KIF21B: variants seen among roughly 807,000 people sequenced by gnomAD.
The protein encoded by KIF21B is kinesin-like protein KIF21B.
In KIF21B, 85 loss-of-function variants were observed where a neutral mutation model predicts 192.9. The observed-to-expected ratio is 0.44, with a 90% CI of 0.37 to 0.53. The LOEUF is 0.53. KIF21B is among the 20% of genes least tolerant of loss of function. The probability of loss-of-function intolerance (pLI) is 0.00; values close to 1 mark genes in which losing one functional copy is unlikely to be tolerated. For missense variants in KIF21B, 1,716 were observed against 2,194.8 expected (o/e 0.78, Z 4.36); for synonymous variants, 832 against 884.6 (o/e 0.94, Z 1.05).
chr1:200,973,443 G>T lies in KIF21B; in HGVS notation c.*78C>A, dbSNP rs1183979779. The T allele has an allele frequency of 7.3e-7, 1 of 1,375,264 alleles. No homozygotes were observed. The highest frequency in any genetic ancestry group is 3.7e-5 in the Admixed American group (1 of 26,874). The allele number at this position is 1,375,264 out of a possible 1,614,324, so 85.2% of individuals were successfully genotyped here. ...TGTCCCCAGAGCAGCTGGCCCCATC[G>T]GCCGGGTCACAGCTTCCCTTCCATG... is the stretch of plus-strand genomic sequence containing the variant. On this transcript the variant is annotated 3_prime_UTR_variant, in exon 35 of 35. Transcript: ENST00000461742.
rs1457064588 is a variant in KIF21B, at chr1:200,991,290, G to A, written c.2455-141C>T. On this transcript the variant is annotated intron_variant, in intron 17 of 34. Transcript: ENST00000461742. ...TGGGCTTGGGCTGCAAAAGGGCCAA[G>A]GGGTCTCTGTTTGATGTGACATGCA... 5.9e-6 allele frequency: 4 copies of A among 672,274 alleles called. No individual in the cohort carries two copies. The Admixed American group carries it at 1.1e-4, about 19-fold the overall frequency. The allele number at this position is 672,274 out of a possible 1,614,324, so 41.6% of individuals were successfully genotyped here.
chr1:200,989,163 C>A (rs1392395539), intron 21 of KIF21B, among the ~76,000 whole-genome samples: 1 of 152,136 alleles, frequency 6.6e-6, no homozygotes, highest in African/African-American at 2.4e-5. Context: ...TTATGTCCCC[C>A]CAAAACTCAT....
At chr1:200,977,844 C>T (rs984609626) in intron 30 of KIF21B, among the ~76,000 whole-genome samples, 8 of 150,736 alleles carry the variant, frequency 5.3e-5, no homozygotes, top group Non-Finnish European at 8.8e-5. Flanking sequence ...AAGCGATTCT[C>T]CTGCCTCACC....
Position 201,011,464 on chromosome 1 carries a change from C to T in KIF21B, c.42-1976G>A, listed in dbSNP as rs1274487101. ...GAGCCAGGGCTTGAACCTATGCAGT[C>T]TGCATGCACTGCCCTTTCAATGGTC... is the stretch of plus-strand genomic sequence containing the variant. On this transcript the variant is annotated intron_variant, in intron 1 of 34. Coordinates refer to ENST00000461742, the MANE Select transcript of KIF21B (RefSeq NM_001252102.2). 2.6e-5 allele frequency among the ~76,000 whole-genome samples: 4 copies of T among 152,352 alleles called. No individual in the cohort carries two copies. The East Asian group carries it at 7.7e-4, about 29-fold the overall frequency.
chr1:201,009,407 C>T lies in KIF21B; in HGVS notation c.123G>A (p.Leu41=), dbSNP rs763627626. 1.2e-6 allele frequency: 2 copies of T among 1,614,224 alleles called. No homozygotes were observed. The highest frequency in any genetic ancestry group is 1.7e-5 in the Admixed American group (1 of 60,038). Residue 41 remains leucine, a synonymous_variant, in exon 2 of 35, where the codon CTG becomes CTA. Coordinates refer to ENST00000461742, the MANE Select transcript of KIF21B (RefSeq NM_001252102.2). ...AGGTGAAGGCCTTGTCCTTCCCCAG[C>T]AGGACCTGGGGCTCTCCCGGGGTAA... ...TSVTPGEPQV[L]LGKDKAFTYD... is the part of the protein sequence containing the mutation.
chr1:200,978,674 CT>C (rs1206884442), intron 30 of KIF21B, among the ~76,000 whole-genome samples: 2 of 152,200 alleles, frequency 1.3e-5, no homozygotes, highest in Non-Finnish European at 2.9e-5. Flanking sequence ...TAAAAACCCT[CT>C]GTTTACTTTA....
intron 1 of KIF21B, among the ~76,000 whole-genome samples, chr1:201,010,469 G>A (rs1335980783): frequency 2.0e-5 from 3 of 152,040 alleles, no homozygotes; most frequent in Non-Finnish European, 4.4e-5. Context: ...CCATCACCAC[G>A]ACATGGTTCC....
chr1:200,983,355 A>G lies in KIF21B; in HGVS notation c.3804-261T>C, dbSNP rs150404321. Among the ~76,000 whole-genome samples, 311 of 152,022 alleles carry G rather than the reference A, an allele frequency of 2.0e-3. 2 individuals carry two copies. The highest frequency in any genetic ancestry group is 7.1e-3 in the African/African-American group (294 of 41,430). On this transcript the variant is annotated intron_variant, in intron 27 of 34. Transcript: ENST00000461742. ...GAGGAGCGAGGAGGGGGCCACGGGG[A>G]GATGTGGGAGCACCAGCCCCACACA...
In KIF21B at chr1:200,998,352, G is replaced by C. The variant is rs749146142; in HGVS notation, c.2077+32C>G. The C allele has an allele frequency of 2.5e-6, 4 of 1,588,396 alleles. No homozygotes were observed. The highest frequency in any genetic ancestry group is 3.4e-6 in the Non-Finnish European group (4 of 1,163,978). ...GGGCTCAGGGAAAAGGGAGGGTCCGGATGGGGTGGAGGGGCATGGCGGTGG... is the reference window on the plus strand; with the variant it reads ...GGGCTCAGGGAAAAGGGAGGGTCCGCATGGGGTGGAGGGGCATGGCGGTGG... On this transcript the variant is annotated intron_variant, in intron 14 of 34. Coordinates refer to ENST00000461742, the MANE Select transcript of KIF21B (RefSeq NM_001252102.2). The surrounding 1 kb of genome is among the most constrained non-coding windows in gnomAD (Gnocchi z 4.3).
In KIF21B at chr1:201,002,169, G is replaced by T. The variant is rs1173110225; in HGVS notation, c.1394C>A (p.Ala465Asp). The T allele has an allele frequency of 6.2e-7, 1 of 1,613,908 alleles. No homozygotes were observed. Among genetic ancestry groups the T allele is most frequent in the East Asian group, 2.2e-5 (1 of 44,884 alleles). Residue 465 changes from alanine (A) to aspartate (D), a missense_variant, in exon 9 of 35, where the codon GCC (alanine) becomes GAC (aspartate). Ala to Asp is a moderately radical substitution (Grantham distance 126). Coordinates refer to ENST00000461742, the MANE Select transcript of KIF21B (RefSeq NM_001252102.2). ...LMSQEANLLLAKAGDGNEAIG... is the reference protein window; with the variant it reads ...LMSQEANLLLDKAGDGNEAIG... ...GGCACAGCCCAACTCACCGGCCTTGGCTAGCAGCAGGTTGGCCTCCTGGCT... is the reference window on the plus strand; with the variant it reads ...GGCACAGCCCAACTCACCGGCCTTGTCTAGCAGCAGGTTGGCCTCCTGGCT...
Position 201,000,027 on chromosome 1 carries a change from G to A in KIF21B, c.1686-63C>T, listed in dbSNP as rs1441507591. 13 of 1,455,386 alleles carry A rather than the reference G, an allele frequency of 8.9e-6. No homozygotes were observed. Among genetic ancestry groups the A allele is most frequent in the Non-Finnish European group, 1.2e-5 (12 of 1,040,278 alleles). The allele number at this position is 1,455,386 out of a possible 1,614,324, so 90.2% of individuals were successfully genotyped here. A position where few individuals can be genotyped will look rare whatever the true frequency, so the allele number is the denominator to read the frequency against. ...TGCCCCTGCCCTGAGCACATGGGCA[G>A]GACGGCGGCAGCGGCAGAAAAGGAA... On this transcript the variant is annotated intron_variant, in intron 11 of 34. Transcript: ENST00000461742. This position sits in a 1 kb window ranked among gnomAD's most constrained non-coding sequence, Gnocchi z 6.0.
chr1:200,998,627 G>T lies in KIF21B; in HGVS notation c.1886-52C>A. The T allele has an allele frequency of 6.4e-7, 1 of 1,554,982 alleles. No individual in the cohort carries two copies. The highest frequency in any genetic ancestry group is 8.8e-7 in the Non-Finnish European group (1 of 1,136,154). ...CAGCGTTAGGGCGAGGGGCAAATTG[G>T]GGAGCAGATGTGCCAGTGCTGGGGA... On this transcript the variant is annotated intron_variant, in intron 13 of 34. Coordinates refer to ENST00000461742, the MANE Select transcript of KIF21B (RefSeq NM_001252102.2). This position sits in a 1 kb window ranked among gnomAD's most constrained non-coding sequence, Gnocchi z 4.3.
intron 15 of KIF21B, among the ~76,000 whole-genome samples, chr1:200,994,000 C>T (rs1050560245): frequency 6.6e-6 from 1 of 152,130 alleles, no homozygotes; most frequent in Admixed American, 6.5e-5. Flanking sequence ...GACCTGAAAA[C>T]TCCAGCATCC....
intron 32 of KIF21B, among the ~76,000 whole-genome samples, chr1:200,976,514 C>A (rs1053810434): frequency 2.6e-5 from 4 of 152,240 alleles, no homozygotes; most frequent in Admixed American, 2.6e-4. Flanking sequence ...AGCTGCAATG[C>A]ATCCCATTTA....
At chr1:201,012,135 C>T (rs1254624041) in intron 1 of KIF21B, among the ~76,000 whole-genome samples, 1 of 152,082 alleles carries the variant, frequency 6.6e-6, no homozygotes, top group Non-Finnish European at 1.5e-5. Context: ...CTTTTTTGGC[C>T]CAACACATCC....
At position 200,971,795 on chromosome 1, in the gene KIF21B, A is replaced by C. The variant is rs1157537224; in HGVS notation, c.*1726T>G. ...CTTAGCCTCTGTGGCAGCTCCGAGGAGGGCACGGGGAAGGGACCAGGCCTC... is the reference window on the plus strand; with the variant it reads ...CTTAGCCTCTGTGGCAGCTCCGAGGCGGGCACGGGGAAGGGACCAGGCCTC... On this transcript the variant is annotated 3_prime_UTR_variant, in exon 35 of 35. Transcript: ENST00000461742. 6.6e-6 allele frequency: 1 copy of C among 152,446 alleles called. No homozygotes were observed. The highest frequency in any genetic ancestry group is 1.5e-5 in the Non-Finnish European group (1 of 68,252). 9.4% of individuals were successfully genotyped at this position (152,446 alleles called of 1,614,324 possible). A position where few individuals can be genotyped will look rare whatever the true frequency, so the allele number is the denominator to read the frequency against.
chr1:201,007,824 C>A (rs913922520), intron 3 of KIF21B, among the ~76,000 whole-genome samples: 1 of 151,850 alleles, frequency 6.6e-6, no homozygotes, highest in Non-Finnish European at 1.5e-5. Context: ...ACACAAGACA[C>A]AGAGCCACAC....
intron 1 of KIF21B, among the ~76,000 whole-genome samples, chr1:201,011,990 G>A (rs536409801): frequency 1.6e-4 from 24 of 152,212 alleles, no homozygotes; most frequent in East Asian, 5.8e-4. Flanking sequence ...ATCAGCCCCC[G>A]GACCACCTGG....
In KIF21B at chr1:201,001,703, T is replaced by G. The variant is rs532469825; in HGVS notation, c.1402+458A>C. 7.5e-5 allele frequency: 12 copies of G among 159,430 alleles called. No individual in the cohort carries two copies. The South Asian group carries it at 1.8e-3, about 24-fold the overall frequency. The allele number at this position is 159,430 out of a possible 1,614,324, so 9.9% of individuals were successfully genotyped here. A position where few individuals can be genotyped will look rare whatever the true frequency, so the allele number is the denominator to read the frequency against. On this transcript the variant is annotated intron_variant, in intron 9 of 34. Transcript: ENST00000461742. ...TTAATATGGAAAGATTTATAAAACA[T>G]AATGCTAAATGAAAAAGGGAAGTCT... is the stretch of plus-strand genomic sequence containing the variant.
Sources: allele counts gnomAD v4.1 joint callset (sites outside exome capture counted in the v4.1 genomes callset), GRCh38; gene constraint gnomAD v4.1.1; non-coding constraint Gnocchi (gnomAD v3.1); transcripts MANE v1.5; gene names NCBI Gene and HGNC (gene_info 2026-07-23, HGNC 2026-07-21).